SNRK: variants seen among roughly 807,000 people sequenced by gnomAD.
The protein encoded by SNRK is SNF-related serine/threonine-protein kinase.
Under a neutral mutation model 48.2 loss-of-function variants are expected in SNRK, and 3 were observed. That is an observed-to-expected ratio of 0.06 (90% CI 0.03 to 0.16). The LOEUF (loss-of-function observed/expected upper bound fraction) is 0.16. SNRK is among the 10% of genes least tolerant of loss of function. SNRK has a pLI of 1.00. For missense variants in SNRK, 627 were observed against 976.0 expected (o/e 0.64, Z 4.76); for synonymous variants, 376 against 366.1 (o/e 1.03, Z -0.31).
intron 3 of SNRK, among the ~76,000 whole-genome samples, chr3:43,323,477 G>A (rs1367405339): frequency 6.6e-6 from 1 of 152,154 alleles, no homozygotes; most frequent in Non-Finnish European, 1.5e-5. Context: ...GGGTGTGAAT[G>A]GAGCAATTGA....
chr3:43,335,941 C>T (rs569740933), intron 4 of SNRK, among the ~76,000 whole-genome samples: 4 of 152,206 alleles, frequency 2.6e-5, no homozygotes, highest in Non-Finnish European at 4.4e-5. Context: ...TCCCATTGTC[C>T]TGGTTTTAAA....
intron 4 of SNRK, among the ~76,000 whole-genome samples, chr3:43,334,599 C>CTT (rs543154243): frequency 4.1e-5 from 6 of 144,850 alleles, no homozygotes; most frequent in Non-Finnish European, 7.6e-5. Context: ...TTTATATTAT[C>CTT]TTTTTTTTTT....
chr3:43,302,010 T>C (rs1230241273), intron 2 of SNRK, among the ~76,000 whole-genome samples: 8 of 152,232 alleles, frequency 5.3e-5, no homozygotes, highest in Non-Finnish European at 1.0e-4. Context: ...TTAAGTACAG[T>C]ACGAAATGTG....
At chr3:43,329,534 C>T (rs2091129975) in intron 3 of SNRK, among the ~76,000 whole-genome samples, 1 of 152,076 alleles carries the variant, frequency 6.6e-6, no homozygotes, top group Non-Finnish European at 1.5e-5. Flanking sequence ...CTCTCTGAAA[C>T]TTAGTTACCC....
At chr3:43,338,751 T>A (rs752098149) in intron 4 of SNRK, among the ~76,000 whole-genome samples, 7 of 151,322 alleles carry the variant, frequency 4.6e-5, no homozygotes, top group Non-Finnish European at 1.0e-4. Flanking sequence ...AAATTTTGTT[T>A]ATTGATTTTG....
At chr3:43,335,264 T>G (rs1234697765) in intron 4 of SNRK, among the ~76,000 whole-genome samples, 2 of 152,214 alleles carry the variant, frequency 1.3e-5, no homozygotes, top group Non-Finnish European at 2.9e-5. Flanking sequence ...CCCACTAGTT[T>G]TGATTTATAG....
Position 43,348,690 on chromosome 3 carries a change from C to T in SNRK, c.*133C>T, listed in dbSNP as rs1401073928. On this transcript the variant is annotated 3_prime_UTR_variant, in exon 7 of 7. Coordinates refer to ENST00000296088, the MANE Select transcript of SNRK (RefSeq NM_017719.5). ...ATTATTTATTACCTTTCCATTTGTT[C>T]GCCTGATGATGTGACAATGCATGGT... 1.2e-5 allele frequency: 12 copies of T among 968,934 alleles called. No individual in the cohort carries two copies. Among genetic ancestry groups the T allele is most frequent in the Admixed American group, 3.7e-5 (1 of 27,284 alleles). 60.0% of individuals were successfully genotyped at this position (968,934 alleles called of 1,614,324 possible).
At chr3:43,344,601 A>T (rs1471590537) in intron 6 of SNRK, among the ~76,000 whole-genome samples, 1 of 152,200 alleles carries the variant, frequency 6.6e-6, no homozygotes, top group Non-Finnish European at 1.5e-5. Flanking sequence ...GTAAAGATTT[A>T]GAAGTCTAGT....
chr3:43,303,805 G>T lies in SNRK; in HGVS notation c.589+13G>T. On this transcript the variant is annotated intron_variant, in intron 3 of 6. Coordinates refer to ENST00000296088, the MANE Select transcript of SNRK (RefSeq NM_017719.5). This position sits in a 1 kb window ranked among gnomAD's most constrained non-coding sequence, Gnocchi z 6.2. ...GCACCTGCAGTAGGTAGGTAACCTCGGTCCAGTATTTGGCCATTTGAATTC... is the reference window on the plus strand; with the variant it reads ...GCACCTGCAGTAGGTAGGTAACCTCTGTCCAGTATTTGGCCATTTGAATTC... 5 of 1,573,540 alleles carry T rather than the reference G, an allele frequency of 3.2e-6. No individual in the cohort carries two copies. The highest frequency in any genetic ancestry group is 4.4e-6 in the Non-Finnish European group (5 of 1,147,946).
rs184248981 is a variant in SNRK at position 43,303,176 on chromosome 3, T to C, written c.-28T>C. The C allele has an allele frequency of 6.5e-7, 1 of 1,545,470 alleles. No individual in the cohort carries two copies. The highest frequency in any genetic ancestry group is 2.3e-5 in the East Asian group (1 of 44,426). ...ATGAGAAGATCTATTTTAAACAGTC[T>C]AAATATTTTTTCTTCTGTTGGACCA... On this transcript the variant is annotated 5_prime_UTR_variant, in exon 3 of 7. Transcript: ENST00000296088. This position sits in a 1 kb window ranked among gnomAD's most constrained non-coding sequence, Gnocchi z 6.2.
chr3:43,289,600 C>G (rs1221455721), intron 1 of SNRK: 2 of 152,718 alleles, frequency 1.3e-5, no homozygotes, highest in African/African-American at 2.4e-5. Flanking sequence ...TCCTCATCTG[C>G]TTTTCTGCAC....
At chr3:43,305,748 G>A (rs182760029) in intron 3 of SNRK, among the ~76,000 whole-genome samples, 52 of 152,150 alleles carry the variant, frequency 3.4e-4, no homozygotes, top group Middle Eastern at 3.4e-3. Context: ...GCCTCCCAAA[G>A]TGCTGGGATT....
At chr3:43,307,561 G>T (rs1228504823) in intron 3 of SNRK, among the ~76,000 whole-genome samples, 1 of 152,202 alleles carries the variant, frequency 6.6e-6, no homozygotes, top group African/African-American at 2.4e-5. Flanking sequence ...TCTGTGATCA[G>T]TGATCTTTAA....
At chr3:43,311,371 T>G (rs2090977840) in intron 3 of SNRK, among the ~76,000 whole-genome samples, 1 of 152,186 alleles carries the variant, frequency 6.6e-6, no homozygotes, top group Non-Finnish European at 1.5e-5. Context: ...GGGCTCTGGC[T>G]TCCTCTTTCA....
At chr3:43,307,408 A>G (rs2090946136) in intron 3 of SNRK, among the ~76,000 whole-genome samples, 2 of 152,200 alleles carry the variant, frequency 1.3e-5, no homozygotes, top group African/African-American at 4.8e-5. Context: ...TTATTTACAA[A>G]TTGAAGGTTG....
intron 1 of SNRK, among the ~76,000 whole-genome samples, chr3:43,296,415 C>CATATATATATATATGTATATATATATAT (rs1553632568): frequency 7.9e-6 from 1 of 127,242 alleles, no homozygotes; most frequent in Non-Finnish European, 1.6e-5. Context: ...GATATACTGG[C>CATATATATATATATGTATATATATATAT]ATATATATAT....
chr3:43,337,403 A>C (rs755148805), intron 4 of SNRK, among the ~76,000 whole-genome samples: 3 of 151,866 alleles, frequency 2.0e-5, no homozygotes, highest in Non-Finnish European at 2.9e-5. Flanking sequence ...AATTTAACAA[A>C]ATTTATAGCT....
chr3:43,318,897 G>A (rs1017967372), intron 3 of SNRK, among the ~76,000 whole-genome samples: 9 of 152,118 alleles, frequency 5.9e-5, no homozygotes, highest in East Asian at 3.9e-4. Context: ...GCGTGGTAGC[G>A]CATGCATGTA....
At chr3:43,346,039 A>AG (rs539594168) in intron 6 of SNRK, among the ~76,000 whole-genome samples, 55 of 152,276 alleles carry the variant, frequency 3.6e-4, no homozygotes, top group African/African-American at 1.3e-3. Flanking sequence ...AGCCGAGGAC[A>AG]GCACTGTTGG....
Sources: gnomAD v4.1 joint callset for allele counts (sites outside exome capture counted in the v4.1 genomes callset) on GRCh38, gnomAD v4.1.1 for gene constraint, Gnocchi (gnomAD v3.1) non-coding constraint, MANE v1.5 for transcripts, NCBI Gene and HGNC (gene_info 2026-07-23, HGNC 2026-07-21) for gene names.